Variants in WNT2B observed in about 807,000 individuals in gnomAD.
The protein encoded by WNT2B is Wnt family member 2B.
In WNT2B, 19 loss-of-function variants were observed where a neutral mutation model predicts 40.5. That is an observed-to-expected ratio of 0.47 (90% CI 0.33 to 0.69). The LOEUF is 0.69. Among genes scored for constraint, WNT2B ranks in the 30% least tolerant of loss-of-function variants. The pLI, the probability that WNT2B is intolerant of heterozygous loss-of-function variation, is 0.02. For missense variants in WNT2B, 467 were observed against 556.4 expected, an observed-to-expected ratio of 0.84 and a Z score of 1.62; for synonymous variants, 220 against 211.9, an observed-to-expected ratio of 1.04 and a Z score of -0.33.
chr1:112,527,089 A>G lies in WNT2B; in HGVS notation c.*6580A>G, dbSNP rs2101139878. 6.6e-6 allele frequency: 1 copy of G among 152,416 alleles called. No homozygotes were observed. The highest frequency in any genetic ancestry group is 2.1e-4 in the South Asian group (1 of 4,832). 9.4% of individuals were successfully genotyped at this position (152,416 alleles called of 1,614,324 possible). On this transcript the variant is annotated 3_prime_UTR_variant, in exon 5 of 5. Transcript: ENST00000369684. ...CTGTTTAGGCGCAAGACAGTGAGTA[A>G]GAGCAGCTCCAAAAGATGACGTATG...
chr1:112,499,319 C>T (rs1651874648), intron 1 of WNT2B, among the ~76,000 whole-genome samples: 1 of 151,970 alleles, frequency 6.6e-6, no homozygotes, highest in Non-Finnish European at 1.5e-5. Context: ...ATAAGTCCAG[C>T]ATTACTCTAA....
rs968950717 is a variant in WNT2B, at chr1:112,523,339, A to G, written c.*2830A>G. ...TGTCCAGAGAGTGAGAAGTTTGAAA[A>G]GAGAGGTGCATAAGAGAGAAATGAT... On this transcript the variant is annotated 3_prime_UTR_variant, in exon 5 of 5. Transcript: ENST00000369684. 2 of 152,214 alleles carry G rather than the reference A, an allele frequency of 1.3e-5. No individual in the cohort carries two copies. The highest frequency in any genetic ancestry group is 2.4e-5 in the African/African-American group (1 of 41,444). 9.4% of individuals were successfully genotyped at this position (152,214 alleles called of 1,614,324 possible). A position where few individuals can be genotyped will look rare whatever the true frequency, so the allele number is the denominator to read the frequency against.
chr1:112,485,568 T>C (rs1651390734), intron 1 of WNT2B, among the ~76,000 whole-genome samples: 1 of 152,148 alleles, frequency 6.6e-6, no homozygotes, highest in South Asian at 2.1e-4. Flanking sequence ...CCAGAAACAG[T>C]CTCTCAAATA....
rs60224833 is a variant in WNT2B at position 112,482,146 on chromosome 1, C to CAA, written c.-95+14569_-95+14570dup. Among the ~76,000 whole-genome samples the CAA allele has an allele frequency of 5.6e-5, 7 of 124,962 alleles. 1 individual carries two copies. The highest frequency in any genetic ancestry group is 1.7e-4 in the African/African-American group (6 of 34,402). The allele number at this position is 124,962 out of a possible 152,430, so 82.0% of individuals were successfully genotyped here. The stretch of plus-strand genomic sequence containing the variant: ...GGCAACAAGAGTGAAAACTCCATCT[C>CAA]AAAAAAAAAAAAAAATTAGCCAGGC... On this transcript the variant is annotated intron_variant, in intron 1 of 4. Coordinates refer to the WNT2B transcript ENST00000256640.
intron 1 of WNT2B, among the ~76,000 whole-genome samples, chr1:112,474,457 C>T: frequency 6.6e-6 from 1 of 152,138 alleles, no homozygotes; most frequent in South Asian, 2.1e-4. Flanking sequence ...CAAGAGAACA[C>T]TTTTAAAACA....
intron 1 of WNT2B, among the ~76,000 whole-genome samples, chr1:112,482,050 G>A (rs1422194387): frequency 6.6e-6 from 1 of 151,766 alleles, no homozygotes; most frequent in Non-Finnish European, 1.5e-5. Flanking sequence ...GGAGTCTGAG[G>A]CAGGAGAATT....
intron 1 of WNT2B, among the ~76,000 whole-genome samples, chr1:112,495,659 G>A (rs1465254983): frequency 6.6e-6 from 1 of 151,252 alleles, no homozygotes; most frequent in Non-Finnish European, 1.5e-5. Context: ...ACACCAATTT[G>A]ATGACAGAGA....
At chr1:112,474,137 G>A (rs1650982034) in intron 1 of WNT2B, among the ~76,000 whole-genome samples, 1 of 151,578 alleles carries the variant, frequency 6.6e-6, no homozygotes, top group African/African-American at 2.4e-5. Context: ...CTATGATAAA[G>A]AGAATGCTTT....
intron 1 of WNT2B, among the ~76,000 whole-genome samples, chr1:112,470,714 C>T (rs538845927): frequency 6.6e-6 from 1 of 152,268 alleles, no homozygotes; most frequent in South Asian, 2.1e-4. Flanking sequence ...CTGCCCAGGC[C>T]CCAGACAGTC....
intron 1 of WNT2B, among the ~76,000 whole-genome samples, chr1:112,512,885 A>C (rs1206625711): frequency 6.6e-6 from 1 of 152,210 alleles, no homozygotes; most frequent in African/African-American, 2.4e-5. Flanking sequence ...TTAGTGGAGT[A>C]AGGGTGGTAA....
chr1:112,529,276 C>CA lies in WNT2B; in HGVS notation c.*8771dup, dbSNP rs1434580786. The CA allele has an allele frequency of 6.6e-6, 1 of 152,180 alleles. No individual in the cohort carries two copies. The highest frequency in any genetic ancestry group is 1.5e-5 in the Non-Finnish European group (1 of 68,036). The allele number at this position is 152,180 out of a possible 1,614,324, so 9.4% of individuals were successfully genotyped here. On this transcript the variant is annotated 3_prime_UTR_variant, in exon 5 of 5. Coordinates refer to ENST00000369684, the MANE Select transcript of WNT2B (RefSeq NM_024494.3). ...TTTGGTGCTGTAAGGGAGGCAGCCA[C>CA]AAAACCAGTGATAGCATTTGTTAGT...
intron 1 of WNT2B, among the ~76,000 whole-genome samples, chr1:112,486,121 A>C (rs1651408417): frequency 7.0e-6 from 1 of 143,188 alleles, no homozygotes; most frequent in Non-Finnish European, 1.5e-5. Context: ...TGGGCAAGAT[A>C]ATGAGTTTTT....
Position 112,520,279 on chromosome 1 carries a change from G to A in WNT2B, c.947-1G>A. 6.2e-7 allele frequency: 1 copy of A among 1,613,416 alleles called. No individual in the cohort carries two copies. The highest frequency in any genetic ancestry group is 8.5e-7 in the Non-Finnish European group (1 of 1,179,752). On this transcript the variant is annotated splice_acceptor_variant, in intron 4 of 4. Transcript: ENST00000369684. LOFTEE classifies it high-confidence loss of function. ...CTCACTCCCTCTCTTCCCCAACCCA[G>A]GTTCCCTAGGCACTGCAGGCCGTGT...
At chr1:112,480,265 G>T (rs1557908303) in intron 1 of WNT2B, among the ~76,000 whole-genome samples, 1 of 151,598 alleles carries the variant, frequency 6.6e-6, no homozygotes, top group Non-Finnish European at 1.5e-5. Flanking sequence ...TACTTGGGAG[G>T]CTGAGGCAGG....
intron 1 of WNT2B, among the ~76,000 whole-genome samples, chr1:112,470,064 A>G (rs1172443273): frequency 6.6e-6 from 1 of 152,110 alleles, no homozygotes; most frequent in East Asian, 1.9e-4. Context: ...TGTACTTCCT[A>G]TTACCAGTGA....
chr1:112,521,311 CTTTTTTTTT>C lies in WNT2B; in HGVS notation c.*814_*822del, dbSNP rs5777124. On this transcript the variant is annotated 3_prime_UTR_variant, in exon 5 of 5. Coordinates refer to ENST00000369684, the MANE Select transcript of WNT2B (RefSeq NM_024494.3). The stretch of plus-strand genomic sequence containing the variant: ...TAAGTCTGGCTAGGCCTTGTGTTGC[CTTTTTTTTT>C]TTTTTTTTTTTCTTTTCTTTTCTTC... The C allele has an allele frequency of 3.3e-5, 4 of 122,100 alleles. No homozygotes were observed. The highest frequency in any genetic ancestry group is 5.0e-5 in the Non-Finnish European group (3 of 60,036). The allele number at this position is 122,100 out of a possible 1,614,324, so 7.6% of individuals were successfully genotyped here.
upstream of WNT2B, among the ~76,000 whole-genome samples, chr1:112,506,501 T>G (rs1268093303): frequency 6.6e-6 from 1 of 152,144 alleles, no homozygotes; most frequent in Non-Finnish European, 1.5e-5. Context: ...CCCCAGGCCC[T>G]GTGTAGAAAT....
At position 112,523,770 on chromosome 1, in the gene WNT2B, A is replaced by T. The variant is rs1010648255; in HGVS notation, c.*3261A>T. On this transcript the variant is annotated 3_prime_UTR_variant, in exon 5 of 5. Transcript: ENST00000369684. Reference sequence around the variant, plus strand: ...TGCTATTTAGATACAAACTTAAAACATACTATATATTTTAAGGATCTAAGA... The same window carrying T: ...TGCTATTTAGATACAAACTTAAAACTTACTATATATTTTAAGGATCTAAGA... 1.1e-4 allele frequency: 16 copies of T among 152,182 alleles called. No homozygotes were observed. The highest frequency in any genetic ancestry group is 3.9e-4 in the African/African-American group (16 of 41,438). The allele number at this position is 152,182 out of a possible 1,614,324, so 9.4% of individuals were successfully genotyped here.
At chr1:112,487,542 T>G (rs1231002190) in intron 1 of WNT2B, among the ~76,000 whole-genome samples, 1 of 152,218 alleles carries the variant, frequency 6.6e-6, no homozygotes. Flanking sequence ...ACAATCCCTA[T>G]TTTATAATAA....
Sources: gnomAD v4.1 joint callset for allele counts (sites outside exome capture counted in the v4.1 genomes callset) on GRCh38, gnomAD v4.1.1 for gene constraint, MANE v1.5 for transcripts, NCBI Gene and HGNC (gene_info 2026-07-23, HGNC 2026-07-21) for gene names.